Variants in LRCH1 observed in about 807,000 individuals in gnomAD.
The protein encoded by LRCH1 is leucine rich repeats and calponin homology domain containing 1.
LRCH1 carries 23 observed loss-of-function variants against 94.9 expected under a neutral mutation model. That is an observed-to-expected ratio of 0.24 (90% CI 0.17 to 0.34). The LOEUF (loss-of-function observed/expected upper bound fraction) is 0.34. Among genes scored for constraint, LRCH1 ranks in the 10% least tolerant of loss-of-function variants. The pLI is 1.00. For missense variants in LRCH1, 790 were observed against 945.9 expected, an observed-to-expected ratio of 0.84 and a Z score of 2.16; for synonymous variants, 364 against 354.9, an observed-to-expected ratio of 1.03 and a Z score of -0.29.
chr13:46,673,245 G>C (rs2051624890), intron 3 of LRCH1, among the ~76,000 whole-genome samples: 1 of 152,104 alleles, frequency 6.6e-6, no homozygotes, highest in African/African-American at 2.4e-5. Context: ...GGATTCGGCA[G>C]CTCCGTCACC....
Position 46,657,692 on chromosome 13 carries a change from A to ATTTTTTTTTTTTTTTT in LRCH1, c.452+7348_452+7363dup, listed in dbSNP as rs55823488. ...AGACGTGCGCCACCATGCCCAGCTA[A>ATTTTTTTTTTTTTTTT]TTTTTTTTTTTTTTTTGGTAGAGAT... On this transcript the variant is annotated intron_variant, in intron 2 of 19. Transcript: ENST00000389797. Among the ~76,000 whole-genome samples, 42 of 46,898 alleles carry ATTTTTTTTTTTTTTTT rather than the reference A, an allele frequency of 9.0e-4. 2 individuals are homozygous for ATTTTTTTTTTTTTTTT. Among genetic ancestry groups the ATTTTTTTTTTTTTTTT allele is most frequent in the African/African-American group, 1.2e-3 (15 of 12,832 alleles). The allele number at this position is 46,898 out of a possible 152,430, so 30.8% of individuals were successfully genotyped here.
chr13:46,594,600 G>A (rs1210881014), intron 1 of LRCH1, among the ~76,000 whole-genome samples: 1 of 152,120 alleles, frequency 6.6e-6, no homozygotes, highest in Non-Finnish European at 1.5e-5. Context: ...CTGGAAGGTT[G>A]GTGGAGAGAG....
chr13:46,574,830 T>C (rs1201587879), intron 1 of LRCH1, among the ~76,000 whole-genome samples: 1 of 150,174 alleles, frequency 6.7e-6, no homozygotes, highest in African/African-American at 2.4e-5. Context: ...GGGTTTTTTT[T>C]TTTTTTTTTT....
At chr13:46,658,235 A>G (rs1268339204) in intron 2 of LRCH1, among the ~76,000 whole-genome samples, 1 of 152,004 alleles carries the variant, frequency 6.6e-6, no homozygotes. Flanking sequence ...TTCTTTATCC[A>G]CTTTTATGGA....
At chr13:46,671,098 T>A (rs1195801689) in intron 3 of LRCH1, among the ~76,000 whole-genome samples, 1 of 152,234 alleles carries the variant, frequency 6.6e-6, no homozygotes, top group Non-Finnish European at 1.5e-5. Context: ...TCCAAGTTCC[T>A]ACCTTCTGGG....
At chr13:46,599,149 C>A (rs1230746709) in intron 1 of LRCH1, among the ~76,000 whole-genome samples, 1 of 152,184 alleles carries the variant, frequency 6.6e-6, no homozygotes, top group African/African-American at 2.4e-5. Flanking sequence ...TAAGGTCCAT[C>A]CATACTGTAG....
chr13:46,653,701 T>C (rs1474656392), intron 2 of LRCH1, among the ~76,000 whole-genome samples: 2 of 150,858 alleles, frequency 1.3e-5, no homozygotes, highest in South Asian at 4.2e-4. Flanking sequence ...CGTGGTGGCG[T>C]GCACCTGTAG....
intron 18 of LRCH1, among the ~76,000 whole-genome samples, chr13:46,733,370 C>G (rs1873208052): frequency 6.6e-6 from 1 of 152,112 alleles, no homozygotes. Flanking sequence ...GATATTGCCT[C>G]TATATCCCTG....
At chr13:46,679,162 C>T (rs886795115) in intron 3 of LRCH1, among the ~76,000 whole-genome samples, 2 of 152,228 alleles carry the variant, frequency 1.3e-5, no homozygotes, top group Non-Finnish European at 1.5e-5. Flanking sequence ...TTCTTCCCCA[C>T]GAGCACGCCC....
intron 1 of LRCH1, among the ~76,000 whole-genome samples, chr13:46,642,254 T>C (rs1323116266): frequency 6.6e-6 from 1 of 152,236 alleles, no homozygotes; most frequent in Admixed American, 6.5e-5. Flanking sequence ...GTCATTTTTT[T>C]TTCTTCTACA....
At position 46,742,191 on chromosome 13, in the gene LRCH1, C is replaced by T; in HGVS notation, c.*343C>T. On this transcript the variant is annotated 3_prime_UTR_variant, in exon 20 of 20. Coordinates refer to ENST00000389797, the MANE Select transcript of LRCH1 (RefSeq NM_001164211.2). ...CCCTGGGCAGAGGGGAGGAGAATTC[C>T]AGGACAAGAGTGTCAAGGACAGGGA... 1 of 1,146,218 alleles carries T rather than the reference C, an allele frequency of 8.7e-7. No individual in the cohort carries two copies. Among genetic ancestry groups the T allele is most frequent in the Non-Finnish European group, 1.1e-6 (1 of 928,034 alleles). The allele number at this position is 1,146,218 out of a possible 1,614,324, so 71.0% of individuals were successfully genotyped here.
chr13:46,557,429 C>T (rs892343421), intron 1 of LRCH1, among the ~76,000 whole-genome samples: 7 of 150,508 alleles, frequency 4.7e-5, no homozygotes, highest in African/African-American at 1.7e-4. Flanking sequence ...GACTATGGGC[C>T]AGGCACTGTG....
chr13:46,715,114 G>A (rs1372654922), intron 15 of LRCH1, among the ~76,000 whole-genome samples: 5 of 152,024 alleles, frequency 3.3e-5, no homozygotes, highest in South Asian at 2.1e-4. Flanking sequence ...ATATATTTAC[G>A]CATATTAAGT....
chr13:46,607,447 G>C (rs1159198682), intron 1 of LRCH1, among the ~76,000 whole-genome samples: 1 of 152,074 alleles, frequency 6.6e-6, no homozygotes, highest in Non-Finnish European at 1.5e-5. Context: ...TCTGTAATTT[G>C]GGATTATTAA....
chr13:46,602,978 G>GCATA (rs35011134), intron 1 of LRCH1, among the ~76,000 whole-genome samples: 4,643 of 149,908 alleles, frequency 0.031, 134 homozygotes, highest in African/African-American at 0.083. Flanking sequence ...ATACATGCAT[G>GCATA]CATACATACA....
At chr13:46,649,098 C>A (rs1236980184) in intron 1 of LRCH1, among the ~76,000 whole-genome samples, 4 of 152,148 alleles carry the variant, frequency 2.6e-5, no homozygotes, top group Non-Finnish European at 5.9e-5. Context: ...GCTATCTCAT[C>A]CTGATTTTGC....
At chr13:46,653,322 A>G (rs1328838984) in intron 2 of LRCH1, among the ~76,000 whole-genome samples, 2 of 152,040 alleles carry the variant, frequency 1.3e-5, no homozygotes, top group Admixed American at 6.5e-5. Flanking sequence ...TTTGAGACCT[A>G]TTCTCCCATA....
chr13:46,659,163 GATTTATTTATTT>G lies in LRCH1; in HGVS notation c.452+8850_452+8861del, dbSNP rs67901139. Among the ~76,000 whole-genome samples the G allele has an allele frequency of 1.6e-3, 244 of 149,110 alleles. 1 individual carries two copies. Among genetic ancestry groups the G allele is most frequent in the Middle Eastern group, 0.014 (4 of 292 alleles). On this transcript the variant is annotated intron_variant, in intron 2 of 19. Coordinates refer to ENST00000389797, the MANE Select transcript of LRCH1 (RefSeq NM_001164211.2). ...TTTTTCTGATACTCCAAATACTTCA[GATTTATTTATTT>G]ATTTATTTATTTATTTATTTATTTA...
downstream of LRCH1, among the ~76,000 whole-genome samples, chr13:46,745,269 G>A (rs920614580): frequency 7.2e-5 from 11 of 151,768 alleles, no homozygotes; most frequent in East Asian, 1.9e-4. Context: ...AACTGGCTGC[G>A]GGCTGGATTA....
Sources: gnomAD v4.1 joint callset for allele counts (sites outside exome capture counted in the v4.1 genomes callset) on GRCh38, gnomAD v4.1.1 for gene constraint, MANE v1.5 for transcripts, NCBI Gene and HGNC (gene_info 2026-07-23, HGNC 2026-07-21) for gene names.